The following METTL17 variants were observed in gnomAD, a reference collection of about 807,000 sequenced individuals.
METTL17 encodes the protein methyltransferase like 17, also known as ribosome assembly protein METTL17, mitochondrial.
Under a neutral mutation model 59.4 loss-of-function variants are expected in METTL17, and 49 were observed. The observed-to-expected ratio is 0.82, with a 90% confidence interval of 0.66 to 1.05. The LOEUF (loss-of-function observed/expected upper bound fraction) is 1.05, where lower values mean the gene tolerates loss of function less well. METTL17 is among the 50% of genes least tolerant of loss of function. METTL17 has a pLI of 0.00. For missense variants in METTL17, 555 were observed against 578.4 expected (o/e 0.96, Z 0.41); for synonymous variants, 208 against 209.2 (o/e 0.99, Z 0.05).
At chr14:20,990,732 C>G in intron 3 of METTL17, 134 bp downstream of exon 3, 1 of 1,088,150 alleles carries the variant, frequency 9.2e-7, no homozygotes, top group African/African-American at 1.6e-5. Flanking sequence ...GCAGTTGTTA[C>G]AATGATGCCT....
At chr14:20,994,420 T>G (rs1176051968) in intron 7 of METTL17, 123 bp from the exon 8 acceptor site, 2 of 843,120 alleles carry the variant, frequency 2.4e-6, no homozygotes, top group Non-Finnish European at 3.9e-6. Flanking sequence ...CATACCTGGC[T>G]CATCCCTGCC....
At chr14:20,992,699 G>A in intron 5 of METTL17, 77 bp downstream of exon 5, 1 of 1,142,488 alleles carries the variant, frequency 8.8e-7, no homozygotes, top group Non-Finnish European at 1.3e-6. Context: ...CTAGGATGGG[G>A]ATTCTTGGGA....
intron 8 of METTL17, 68 bp from the exon 9 acceptor site, chr14:20,994,726 T>C (rs1002727902): frequency 1.3e-6 from 2 of 1,533,186 alleles, no homozygotes; most frequent in Non-Finnish European, 1.8e-6. Context: ...ATTTAGCGGC[T>C]AGGACTTTGT....
At chr14:20,990,815 T>TTTGG in intron 3 of METTL17, 1 of 594,384 alleles carries the variant, frequency 1.7e-6, no homozygotes, top group Non-Finnish European at 2.9e-6. Context: ...CTGTTTTTTG[T>TTTGG]TTGTTTGTTT....
At chr14:20,996,098 C>G (rs1405098386) in intron 11 of METTL17, 111 bp from the exon 12 acceptor site, 1 of 1,278,248 alleles carries the variant, frequency 7.8e-7, no homozygotes, top group African/African-American at 1.5e-5. Context: ...TTCCTACCCA[C>G]TGCTCCTGTC....
At chr14:20,993,400 A>C (rs554977588) in intron 6 of METTL17, 6 of 486,130 alleles carry the variant, frequency 1.2e-5, no homozygotes, top group Non-Finnish European at 2.2e-5. Flanking sequence ...AAAAAGGCGC[A>C]TGTGTAGAAA....
At chr14:20,991,078 T>C (rs1880008878) in intron 3 of METTL17, among the ~76,000 whole-genome samples, 1 of 152,184 alleles carries the variant, frequency 6.6e-6, no homozygotes, top group Admixed American at 6.5e-5. Flanking sequence ...TCCGCCCACC[T>C]TGGCCTCCCA....
intron 6 of METTL17, chr14:20,993,393 A>C: frequency 2.0e-6 from 1 of 494,174 alleles, no homozygotes; most frequent in Non-Finnish European, 3.6e-6. Flanking sequence ...CAAGTAAAAA[A>C]AGGCGCATGT....
intron 3 of METTL17, 181 bp downstream of exon 3, chr14:20,990,779 G>C: frequency 2.7e-6 from 2 of 751,214 alleles, no homozygotes; most frequent in Non-Finnish European, 4.2e-6. Context: ...AGATTGCTTA[G>C]GTAAAGGTCA....
intron 3 of METTL17, 75 bp downstream of exon 3, chr14:20,990,673 A>G: frequency 1.3e-6 from 2 of 1,555,404 alleles, no homozygotes; most frequent in Non-Finnish European, 1.7e-6. Flanking sequence ...AAATAATTCT[A>G]CAATCTCTCA....
chr14:20,990,429 T>G, intron 2 of METTL17, 35 bp from the exon 3 acceptor site: 1 of 1,613,782 alleles, frequency 6.2e-7, no homozygotes, highest in Non-Finnish European at 8.5e-7. Flanking sequence ...TGGACCTACA[T>G]GCAAGTGATT....
Position 20,992,528 on chromosome 14 carries a change from A to AT in METTL17, c.447-9dup, listed in dbSNP as rs773482203. On this transcript the variant is annotated splice_polypyrimidine_tract_variant and intron_variant, in intron 4 of 13. Transcript: ENST00000339374. ...ATTTACTAGTATGTACAACTCTGTGATTTTAATGGCAGCTACACTGAGGGA... is the reference window on the plus strand; with the variant it reads ...ATTTACTAGTATGTACAACTCTGTGATTTTTAATGGCAGCTACACTGAGGGA... The AT allele has an allele frequency of 1.3e-5, 21 of 1,607,966 alleles. 1 individual carries two copies. The Admixed American group carries it at 2.5e-4, about 19-fold the overall frequency.
At position 20,994,057 on chromosome 14, in the gene METTL17, C is replaced by T. The variant is rs150650902; in HGVS notation, c.691C>T (p.Leu231=). 1.9e-6 allele frequency: 3 copies of T among 1,612,966 alleles called. No individual in the cohort carries two copies. In the African/African-American group the frequency reaches 4.0e-5, roughly 22 times the overall value. The change falls in exon 7 of 14, where the codon CTG becomes TTG. Residue 231 remains leucine (L), a synonymous_variant. Coordinates refer to ENST00000339374, the MANE Select transcript of METTL17 (RefSeq NM_022734.3). ...CATGTTGGTTTTGGCAGAAAAACTA[C>T]TGAAAGGTGAGTGCAAGAGCACTTC... The part of the protein sequence containing the change: ...AAMLVLAEKL[L]KGGSESGEPY...
rs746943884 is a variant in METTL17 at position 20,995,909 on chromosome 14, G to GA, written c.956dup (p.Ser320ValfsTer17). On this transcript the variant is annotated frameshift_variant, in exon 11 of 14. Coordinates refer to ENST00000339374, the MANE Select transcript of METTL17 (RefSeq NM_022734.3). LOFTEE classifies it high-confidence loss of function. ...ATTTCCTTTGATTTCAGGGAAAAGA[G>GA]AAGTCACCTTTGGACCCTCGACCTG... 1 of 1,613,972 alleles carries GA rather than the reference G, an allele frequency of 6.2e-7. No individual in the cohort carries two copies. The highest frequency in any genetic ancestry group is 8.5e-7 in the Non-Finnish European group (1 of 1,179,978).
At chr14:20,993,613 T>G (rs910761936) in intron 6 of METTL17, 1 of 222,494 alleles carries the variant, frequency 4.5e-6, no homozygotes, top group South Asian at 7.4e-5. Flanking sequence ...TAGCTGGGAC[T>G]ACAGGTGCAC....
chr14:20,992,348 T>A, intron 4 of METTL17, 143 bp downstream of exon 4: 2 of 741,668 alleles, frequency 2.7e-6, no homozygotes, highest in Non-Finnish European at 4.5e-6. Context: ...TTGAAAAAGC[T>A]AAAGTACAAA....
At position 20,994,874 on chromosome 14, in the gene METTL17, CT is replaced by C. The variant is rs750187778; in HGVS notation, c.851del (p.Leu284TyrfsTer59). 3 of 1,613,860 alleles carry C rather than the reference CT, an allele frequency of 1.9e-6. No individual in the cohort carries two copies. Among genetic ancestry groups the C allele is most frequent in the Non-Finnish European group, 1.7e-6 (2 of 1,179,914 alleles). On this transcript the variant is annotated frameshift_variant, in exon 9 of 14. Coordinates refer to ENST00000339374, the MANE Select transcript of METTL17 (RefSeq NM_022734.3). LOFTEE classifies it high-confidence loss of function. The stretch of plus-strand genomic sequence containing the variant: ...CTGACCGCACTGAGGTAGTTCAAAC[CT>C]TATGGCGTAAGACAGGTCATTTCCT... ...KADRTEVVQT[L>X]WRKTGHFLVL...
chr14:20,993,766 C>T (rs1007553035), intron 6 of METTL17: 3 of 384,600 alleles, frequency 7.8e-6, no homozygotes, highest in East Asian at 4.7e-5. Flanking sequence ...AGCCACTGTG[C>T]CCAGCTGAGT....
chr14:20,996,630 G>A lies in METTL17; in HGVS notation c.1184G>A (p.Arg395Gln), dbSNP rs367745934. 3.3e-5 allele frequency: 54 copies of A among 1,614,084 alleles called. No individual in the cohort carries two copies. The highest frequency in any genetic ancestry group is 6.6e-5 in the South Asian group (6 of 91,084). Residue 395 changes from arginine to glutamine, a missense_variant, in exon 13 of 14, where the codon CGG (arginine) becomes CAG (glutamine). Physicochemically the swap from Arg to Gln is conservative, Grantham distance 43 (BLOSUM62 1). Coordinates refer to ENST00000339374, the MANE Select transcript of METTL17 (RefSeq NM_022734.3). The part of the protein sequence containing the change: ...WPRITQPVLK[R>Q]PRHVHCHLCC... ...CGTATCACTCAGCCTGTCCTTAAACGGCCTCGCCATGTGCATTGTCACTTG... is the reference window on the plus strand; with the variant it reads ...CGTATCACTCAGCCTGTCCTTAAACAGCCTCGCCATGTGCATTGTCACTTG...
Sources: gnomAD v4.1 joint callset for allele counts (sites outside exome capture counted in the v4.1 genomes callset) on GRCh38, gnomAD v4.1.1 for gene constraint, MANE v1.5 for transcripts, NCBI Gene and HGNC (gene_info 2026-07-23, HGNC 2026-07-21) for gene names.